RYR2: variants seen among roughly 807,000 people sequenced by gnomAD.
RYR2 encodes the protein cardiac muscle ryanodine receptor-calcium release channel.
RYR2 carries 227 observed loss-of-function variants against 601.1 expected under a neutral mutation model. The observed-to-expected ratio is 0.38, with a 90% CI of 0.34 to 0.42. RYR2 has a LOEUF of 0.42. Among genes scored for constraint, RYR2 ranks in the 10% least tolerant of loss-of-function variants. The probability of loss-of-function intolerance (pLI) is 1.00; values close to 1 mark genes in which losing one functional copy is unlikely to be tolerated. For missense variants in RYR2, 4,646 were observed against 6,156.5 expected, an observed-to-expected ratio of 0.75 and a Z score of 8.21; for synonymous variants, 2,223 against 2,175.1, an observed-to-expected ratio of 1.02 and a Z score of -0.61.
intron 40 of RYR2, among the ~76,000 whole-genome samples, chr1:237,626,592 T>C (rs1477794051): frequency 1.6e-5 from 2 of 121,810 alleles, no homozygotes; most frequent in African/African-American, 6.9e-5. Flanking sequence ...TTTTTTTTTT[T>C]TTTTTTTTTT....
At chr1:237,182,427 G>A (rs1039028895) in intron 1 of RYR2, among the ~76,000 whole-genome samples, 18 of 152,076 alleles carry the variant, frequency 1.2e-4, no homozygotes, top group African/African-American at 4.1e-4. Context: ...GCTCCCTGGG[G>A]CTTCTTTTTA....
chr1:237,669,075 A>C (rs908765777), intron 58 of RYR2, among the ~76,000 whole-genome samples: 1 of 148,770 alleles, frequency 6.7e-6, no homozygotes, highest in African/African-American at 2.4e-5. Context: ...AGTGGTGATG[A>C]CTCTTAACGA....
chr1:237,531,740 T>C (rs1668157824), intron 25 of RYR2, among the ~76,000 whole-genome samples: 1 of 152,194 alleles, frequency 6.6e-6, no homozygotes, highest in African/African-American at 2.4e-5. Context: ...TCTAAAATTT[T>C]TCTTGAAAAT....
In RYR2 at chr1:237,432,731, G is replaced by A. The variant is rs377339170; in HGVS notation, c.1006-8588G>A. On this transcript the variant is annotated intron_variant, in intron 12 of 104. Coordinates refer to ENST00000366574, the MANE Select transcript of RYR2 (RefSeq NM_001035.3). Reference sequence around the variant, plus strand: ...AGCTGGTGATTCAAATTCCTATTTCGTTGGTTAAAAGTAGAGCAGTGGTGT... The same window carrying A: ...AGCTGGTGATTCAAATTCCTATTTCATTGGTTAAAAGTAGAGCAGTGGTGT... Among the ~76,000 whole-genome samples the A allele has an allele frequency of 2.6e-4, 40 of 152,146 alleles. 1 individual carries two copies. The highest frequency in any genetic ancestry group is 1.8e-3 in the Admixed American group (28 of 15,268).
At chr1:237,598,770 C>T (rs1676167527) in intron 34 of RYR2, among the ~76,000 whole-genome samples, 1 of 151,910 alleles carries the variant, frequency 6.6e-6, no homozygotes, top group Non-Finnish European at 1.5e-5. Flanking sequence ...CAAACTAAAC[C>T]CCAAATTAAT....
chr1:237,633,798 A>G (rs796972667), intron 43 of RYR2, 88 bp downstream of exon 43: 3 of 1,274,110 alleles, frequency 2.4e-6, no homozygotes, highest in Non-Finnish European at 3.2e-6. Flanking sequence ...AAAATGTGCA[A>G]TGGACCTGAA....
At chr1:237,068,672 T>G (rs1423670925) in intron 1 of RYR2, among the ~76,000 whole-genome samples, 2 of 152,220 alleles carry the variant, frequency 1.3e-5, no homozygotes, top group Admixed American at 6.5e-5. Flanking sequence ...TATGAGAATT[T>G]CCTCAAAAAA....
At chr1:237,469,978 C>G (rs1255373770) in intron 17 of RYR2, among the ~76,000 whole-genome samples, 1 of 152,212 alleles carries the variant, frequency 6.6e-6, no homozygotes, top group Non-Finnish European at 1.5e-5. Flanking sequence ...TTAGAGCTCT[C>G]TAGCTCACAC....
At chr1:237,675,242 T>C (rs1685293586) in intron 60 of RYR2, among the ~76,000 whole-genome samples, 1 of 152,166 alleles carries the variant, frequency 6.6e-6, no homozygotes, top group Admixed American at 6.5e-5. Context: ...GGTCTTGAGT[T>C]TAGCCTTTGC....
chr1:237,325,060 CTT>C, intron 2 of RYR2, among the ~76,000 whole-genome samples: 1 of 152,182 alleles, frequency 6.6e-6, no homozygotes, highest in South Asian at 2.1e-4. Flanking sequence ...CGAACATTTT[CTT>C]TGTGTAAGTC....
chr1:237,342,763 C>T (rs997577894), intron 3 of RYR2, among the ~76,000 whole-genome samples: 2 of 152,116 alleles, frequency 1.3e-5, no homozygotes, highest in Non-Finnish European at 2.9e-5. Flanking sequence ...TTAGAACTGT[C>T]CTTAGACCAC....
chr1:237,359,326 C>T (rs1434492335), intron 4 of RYR2, among the ~76,000 whole-genome samples: 1 of 152,160 alleles, frequency 6.6e-6, no homozygotes, highest in Non-Finnish European at 1.5e-5. Flanking sequence ...ACAGTTCCTG[C>T]TGAATGCAAA....
chr1:237,542,176 C>T (rs1669359779), intron 25 of RYR2, among the ~76,000 whole-genome samples: 1 of 152,056 alleles, frequency 6.6e-6, no homozygotes, highest in African/African-American at 2.4e-5. Context: ...TCACCGCAAG[C>T]TCCGCCTCCC....
At chr1:237,594,675 A>G (rs1675603943) in intron 33 of RYR2, among the ~76,000 whole-genome samples, 1 of 151,894 alleles carries the variant, frequency 6.6e-6, no homozygotes, top group Non-Finnish European at 1.5e-5. Context: ...ACATTTGATT[A>G]CTCAAAAACT....
chr1:237,778,909 A>G (rs1487566707), intron 88 of RYR2, 139 bp downstream of exon 88: 2 of 515,412 alleles, frequency 3.9e-6, no homozygotes, highest in Non-Finnish European at 7.0e-6. Flanking sequence ...AGATCATTTT[A>G]TCATGCCTCT....
At chr1:237,604,625 A>C (rs1559099249) in intron 35 of RYR2, among the ~76,000 whole-genome samples, 2 of 152,312 alleles carry the variant, frequency 1.3e-5, no homozygotes, top group Non-Finnish European at 1.5e-5. Context: ...AAATCAATGA[A>C]TCCAGGAGCT....
intron 1 of RYR2, among the ~76,000 whole-genome samples, chr1:237,102,446 T>G (rs1391127062): frequency 6.6e-6 from 1 of 152,200 alleles, no homozygotes; most frequent in Admixed American, 6.5e-5. Context: ...AGGCTTACAC[T>G]TACTGCTCAT....
chr1:237,591,660 T>G (rs2148445459), intron 31 of RYR2, 79 bp from the exon 32 acceptor site: 2 of 1,194,588 alleles, frequency 1.7e-6, no homozygotes, highest in Non-Finnish European at 1.2e-6. Context: ...TTAAGGCAAC[T>G]CAATTGATTA....
chr1:237,795,941 T>C (rs2392785), intron 96 of RYR2, among the ~76,000 whole-genome samples: 12 of 30,848 alleles, frequency 3.9e-4, no homozygotes, highest in South Asian at 9.3e-3. Flanking sequence ...TACATATGTA[T>C]GTGTGCATAT....
Sources: allele counts gnomAD v4.1 joint callset (sites outside exome capture counted in the v4.1 genomes callset), GRCh38; gene constraint gnomAD v4.1.1; transcripts MANE v1.5; gene names NCBI Gene and HGNC (gene_info 2026-07-23, HGNC 2026-07-21).